Variants in ARMC8 observed in about 807,000 individuals in gnomAD.
ARMC8 encodes armadillo repeat-containing protein 8.
A neutral mutation model predicts 99.3 loss-of-function variants in ARMC8; 20 were observed. The ratio of observed to expected loss-of-function variants is 0.20; its 90% confidence interval spans 0.14 to 0.29. The LOEUF (loss-of-function observed/expected upper bound fraction) is 0.29. Among genes scored for constraint, ARMC8 ranks in the 10% least tolerant of loss-of-function variants. The pLI is 1.00. For synonymous variants in ARMC8, 263 were observed against 278.3 expected, an observed-to-expected ratio of 0.95 and a Z score of 0.55; for missense variants, 569 against 809.5, an observed-to-expected ratio of 0.70 and a Z score of 3.60.
intron 12 of ARMC8, 57 bp from the exon 13 acceptor site, chr3:138,263,682 C>T (rs1433852388): frequency 7.4e-7 from 1 of 1,351,138 alleles, no homozygotes; most frequent in Non-Finnish European, 1.1e-6. Context: ...CATTTACAAG[C>T]AGTGAAGTTT....
At chr3:138,252,111 G>A (rs952562944) in intron 12 of ARMC8, among the ~76,000 whole-genome samples, 2 of 152,134 alleles carry the variant, frequency 1.3e-5, no homozygotes, top group South Asian at 2.1e-4. Flanking sequence ...CTAGCATAGA[G>A]GTTGGTAAAC....
chr3:138,266,242 C>T (rs988215705), intron 14 of ARMC8, among the ~76,000 whole-genome samples: 3 of 152,122 alleles, frequency 2.0e-5, no homozygotes, highest in African/African-American at 7.2e-5. Flanking sequence ...GCTTCCTGAA[C>T]CTCATTAAGA....
chr3:138,226,571 T>C (rs2045708041), intron 5 of ARMC8, among the ~76,000 whole-genome samples: 1 of 152,222 alleles, frequency 6.6e-6, no homozygotes, highest in Non-Finnish European at 1.5e-5. Flanking sequence ...AACATCCTGC[T>C]CAAAGGATCC....
In ARMC8 at chr3:138,218,743, C is replaced by T. The variant is rs77138927; in HGVS notation, c.123-3183C>T. 2.9e-3 allele frequency among the ~76,000 whole-genome samples: 441 copies of T among 152,202 alleles called. 2 individuals are homozygous for T. Among genetic ancestry groups the T allele is most frequent in the Non-Finnish European group, 4.1e-3 (277 of 67,994 alleles). On this transcript the variant is annotated intron_variant, in intron 2 of 21. Transcript: ENST00000469044. The stretch of plus-strand genomic sequence containing the variant: ...CAGGCATCCCATTGTGTGATACTTT[C>T]GTATACTTCATAGAGGCTAGCACAA...
chr3:138,285,772 C>T (rs2050349264), intron 19 of ARMC8, among the ~76,000 whole-genome samples: 2 of 152,118 alleles, frequency 1.3e-5, no homozygotes, highest in African/African-American at 2.4e-5. Flanking sequence ...GTGTCTGGCC[C>T]TTAGCATATG....
intron 7 of ARMC8, among the ~76,000 whole-genome samples, chr3:138,235,961 A>G (rs547821037): frequency 6.6e-6 from 1 of 151,030 alleles, no homozygotes; most frequent in Admixed American, 6.6e-5. Context: ...ACCTGCCACC[A>G]CCCCTGGCTG....
At position 138,296,107 on chromosome 3, in the gene ARMC8, GT is replaced by G. The variant is rs900005790; in HGVS notation, c.*224del. ...CAGAAGACTCTTGTGTTTTGTTTTG[GT>G]TTTTTTTTCTGAGCTACTCGGACTC... On this transcript the variant is annotated 3_prime_UTR_variant, in exon 22 of 22. Transcript: ENST00000469044. 9 of 470,742 alleles carry G rather than the reference GT, an allele frequency of 1.9e-5. No homozygotes were observed. The highest frequency in any genetic ancestry group is 1.2e-4 in the African/African-American group (6 of 49,228). The allele number at this position is 470,742 out of a possible 1,614,324, so 29.2% of individuals were successfully genotyped here. A position where few individuals can be genotyped will look rare whatever the true frequency, so the allele number is the denominator to read the frequency against.
intron 12 of ARMC8, among the ~76,000 whole-genome samples, chr3:138,252,843 G>C (rs1576775463): frequency 1.4e-5 from 2 of 147,846 alleles, no homozygotes; most frequent in East Asian, 4.0e-4. Flanking sequence ...CTGGCATATA[G>C]AAAGAAACAG....
chr3:138,208,993 T>A (rs1240421641), intron 1 of ARMC8, among the ~76,000 whole-genome samples: 6 of 152,214 alleles, frequency 3.9e-5, no homozygotes, highest in Admixed American at 3.9e-4. Context: ...TCACAGAAAG[T>A]GTGACAACTC....
At chr3:138,193,053 C>T (rs1407132004) in intron 1 of ARMC8, among the ~76,000 whole-genome samples, 4 of 152,170 alleles carry the variant, frequency 2.6e-5, no homozygotes, top group African/African-American at 9.7e-5. Context: ...ACTGCAGCCT[C>T]TGCCTCCCAG....
Position 138,296,040 on chromosome 3 carries a change from C to G in ARMC8, c.*148C>G. Reference sequence around the variant, plus strand: ...AAAGCAGTTTAGTAGGCTTAGATCTCAAATTCATCTTGAGAACATTTTTTT... The same window carrying G: ...AAAGCAGTTTAGTAGGCTTAGATCTGAAATTCATCTTGAGAACATTTTTTT... On this transcript the variant is annotated 3_prime_UTR_variant, in exon 22 of 22. Coordinates refer to ENST00000469044, the MANE Select transcript of ARMC8 (RefSeq NM_001363941.2). 1 of 618,558 alleles carries G rather than the reference C, an allele frequency of 1.6e-6. No individual in the cohort carries two copies. The highest frequency in any genetic ancestry group is 2.8e-5 in the South Asian group (1 of 35,722). The allele number at this position is 618,558 out of a possible 1,614,324, so 38.3% of individuals were successfully genotyped here. A position where few individuals can be genotyped will look rare whatever the true frequency, so the allele number is the denominator to read the frequency against.
At position 138,187,579 on chromosome 3, in the gene ARMC8, A is replaced by G. The variant is rs1408806261; in HGVS notation, c.25A>G (p.Ile9Val). MACLLETPIRMSVLSEVTA... is the reference protein window; with the variant it reads MACLLETPVRMSVLSEVTA... ...GATGGCGTGCTTGTTGGAGACCCCA[A>G]TCCGCATGAGCGTCCTTTCGGTGAG... Residue 9 changes from isoleucine to valine, a missense_variant, in exon 1 of 22, where the codon ATC becomes GTC. Coordinates refer to ENST00000469044, the MANE Select transcript of ARMC8 (RefSeq NM_001363941.2). 26 of 1,535,596 alleles carry G rather than the reference A, an allele frequency of 1.7e-5. No homozygotes were observed. The highest frequency in any genetic ancestry group is 2.4e-5 in the East Asian group (1 of 40,890).
chr3:138,288,569 C>T (rs1330964854), intron 19 of ARMC8, among the ~76,000 whole-genome samples: 2 of 151,902 alleles, frequency 1.3e-5, no homozygotes, highest in African/African-American at 4.8e-5. Flanking sequence ...TAGCCCAACC[C>T]TTCTACTCAT....
intron 10 of ARMC8, 114 bp downstream of exon 10, chr3:138,239,642 C>T (rs2046509847): frequency 8.8e-6 from 5 of 570,436 alleles, no homozygotes; most frequent in South Asian, 6.4e-5. Flanking sequence ...ATGTGCATGG[C>T]GTAGAATAAT....
chr3:138,288,980 C>A, intron 19 of ARMC8, 68 bp from the exon 20 acceptor site: 1 of 1,320,326 alleles, frequency 7.6e-7, no homozygotes, highest in Non-Finnish European at 1.1e-6. Context: ...ATGGTAGGTC[C>A]CCCCAAAAAA....
In ARMC8 at chr3:138,263,212, T is replaced by C. The variant is rs535305961; in HGVS notation, c.1135-527T>C. On this transcript the variant is annotated intron_variant, in intron 12 of 21. Coordinates refer to ENST00000469044, the MANE Select transcript of ARMC8 (RefSeq NM_001363941.2). ...AGTTGAAACAATAAAGCTTCATGAT[T>C]ATAGTGATTATATGTAGCAGCACTT... Among the ~76,000 whole-genome samples, 3 of 152,278 alleles carry C rather than the reference T, an allele frequency of 2.0e-5. 1 individual carries two copies. Among genetic ancestry groups the C allele is most frequent in the Admixed American group, 6.5e-5 (1 of 15,294 alleles).
chr3:138,229,151 T>TATAC (rs2045866630), intron 6 of ARMC8, 141 bp downstream of exon 6: 3 of 50,778 alleles, frequency 5.9e-5, no homozygotes, highest in African/African-American at 2.6e-4. Flanking sequence ...TATATATATA[T>TATAC]ATATATATAT....
At chr3:138,235,972 A>AT (rs200197207) in intron 7 of ARMC8, among the ~76,000 whole-genome samples, 1 of 151,542 alleles carries the variant, frequency 6.6e-6, no homozygotes, top group African/African-American at 2.4e-5. Flanking sequence ...CCCCTGGCTG[A>AT]TTTTTTCTAT....
intron 2 of ARMC8, among the ~76,000 whole-genome samples, chr3:138,216,803 G>C (rs1342647243): frequency 6.6e-6 from 1 of 152,096 alleles, no homozygotes; most frequent in Non-Finnish European, 1.5e-5. Context: ...AATTAGACCA[G>C]AAATACACAT....
Sources: gnomAD v4.1 joint callset for allele counts (sites outside exome capture counted in the v4.1 genomes callset) on GRCh38, gnomAD v4.1.1 for gene constraint, MANE v1.5 for transcripts, NCBI Gene and HGNC (gene_info 2026-07-23, HGNC 2026-07-21) for gene names.